The following NUP210 variants were observed in gnomAD, a reference collection of about 807,000 sequenced individuals.
NUP210 encodes nucleoporin 210.
A neutral mutation model predicts 196.0 loss-of-function variants in NUP210; 151 were observed. The ratio of observed to expected loss-of-function variants is 0.77; its 90% CI spans 0.67 to 0.88. The LOEUF (loss-of-function observed/expected upper bound fraction) is 0.88. NUP210 is among the 40% of genes least tolerant of loss of function. NUP210 has a pLI of 0.00. For synonymous variants in NUP210, 1,070 were observed against 1,052.7 expected (o/e 1.02, Z -0.32); for missense variants, 2,314 against 2,493.7 (o/e 0.93, Z 1.53).
chr3:13,373,781 G>A lies in NUP210; in HGVS notation c.1524C>T (p.Asp508=). ...TVKGVMTTGS[D]IGFSVIQAHD... is the part of the protein sequence containing the mutation. ...GTGCCTGGATCACACTGAACCCGAT[G>A]TCACTGCCTGTGGTCATCACGCCCT... Residue 508 remains aspartate (D), a synonymous_variant, in exon 12 of 40, where the codon GAC becomes GAT. Coordinates refer to ENST00000254508, the MANE Select transcript of NUP210 (RefSeq NM_024923.4). 1 of 1,614,164 alleles carries A rather than the reference G, an allele frequency of 6.2e-7. No individual in the cohort carries two copies. Among genetic ancestry groups the A allele is most frequent in the East Asian group, 2.2e-5 (1 of 44,878 alleles).
rs1404901817 is a variant in NUP210, at chr3:13,328,932, G to A, written c.4125C>T (p.Ser1375=). ...IIVAVKVSPV[S]YLRVSMSPVL... ...CAGGGCTCATGGAAACCCTCAGGTA[G>A]GAAACAGGGGATACCTAAGGGACAA... Residue 1375 remains serine (S), a synonymous_variant, in exon 31 of 40, where the codon TCC becomes TCT. Transcript: ENST00000254508. The A allele has an allele frequency of 5.6e-6, 9 of 1,613,774 alleles. No individual in the cohort carries two copies. The East Asian group carries it at 1.3e-4, about 24-fold the overall frequency.
chr3:13,330,601 C>A lies in NUP210; in HGVS notation c.3969G>T (p.Leu1323=), dbSNP rs777068056. ...DGAASLSYRV[L]DGPEKVPVVH... is the part of the protein sequence containing the mutation. The stretch of plus-strand genomic sequence containing the variant: ...CAACTGGAACCTTTTCGGGTCCATC[C>A]AGGACGCGGTAGCTCAGAGAGGCTG... Residue 1323 remains leucine, a synonymous_variant, in exon 30 of 40, where the codon CTG becomes CTT. Transcript: ENST00000254508. The A allele has an allele frequency of 1.9e-6, 3 of 1,614,186 alleles. No individual in the cohort carries two copies. Among genetic ancestry groups the A allele is most frequent in the Non-Finnish European group, 2.5e-6 (3 of 1,180,030 alleles).
chr3:13,328,998 C>G, intron 30 of NUP210, 52 bp from the exon 31 acceptor site: 2 of 1,517,322 alleles, frequency 1.3e-6, no homozygotes, highest in East Asian at 4.5e-5. Context: ...GGACTGGCCT[C>G]CAGGAAAACC....
intron 9 of NUP210, among the ~76,000 whole-genome samples, chr3:13,377,229 C>T (rs1458555823): frequency 6.6e-6 from 1 of 152,176 alleles, no homozygotes; most frequent in Non-Finnish European, 1.5e-5. Context: ...CCCTCCAGCC[C>T]AACAGGGGCT....
intron 33 of NUP210, among the ~76,000 whole-genome samples, 168 bp downstream of exon 33, chr3:13,325,627 G>C (rs1696717140): frequency 6.6e-6 from 1 of 152,176 alleles, no homozygotes; most frequent in African/African-American, 2.4e-5. Flanking sequence ...AAGGGAGCTT[G>C]TCCCCATGTC....
intron 16 of NUP210, 180 bp from the exon 17 acceptor site, chr3:13,354,287 T>C: frequency 3.3e-6 from 2 of 603,384 alleles, no homozygotes; most frequent in Non-Finnish European, 5.8e-6. Flanking sequence ...CCCATGGCCC[T>C]GTCCAAGCTG....
intron 6 of NUP210, among the ~76,000 whole-genome samples, chr3:13,380,998 G>A (rs982457424): frequency 6.6e-6 from 1 of 152,228 alleles, no homozygotes; most frequent in African/African-American, 2.4e-5. Flanking sequence ...CTCCAGGGCT[G>A]GGCTCCAGCA....
At chr3:13,351,433 A>C (rs1697966993) in intron 20 of NUP210, among the ~76,000 whole-genome samples, 2 of 152,226 alleles carry the variant, frequency 1.3e-5, no homozygotes, top group Admixed American at 1.3e-4. Flanking sequence ...AAGTTGTAGA[A>C]TGAATCAGAG....
At chr3:13,399,197 C>T (rs373740728) in intron 2 of NUP210, among the ~76,000 whole-genome samples, 3 of 136,328 alleles carry the variant, frequency 2.2e-5, no homozygotes, top group East Asian at 2.3e-4. Context: ...ACCCAGGAGG[C>T]GGAGGTTGCA....
intron 20 of NUP210, 104 bp from the exon 21 acceptor site, chr3:13,343,407 C>T: frequency 7.1e-7 from 1 of 1,412,224 alleles, no homozygotes; most frequent in Non-Finnish European, 9.6e-7. Flanking sequence ...CAGCACCAGC[C>T]TATCACCTCA....
rs1329617364 is a variant in NUP210 at position 13,348,674 on chromosome 3, C to T, written c.2835+3205G>A. On this transcript the variant is annotated intron_variant, in intron 20 of 39. Transcript: ENST00000254508. This position sits in a 1 kb window ranked among gnomAD's most constrained non-coding sequence, Gnocchi z 4.0. Reference sequence around the variant, plus strand: ...ACGCTGCTTGTGGTCTCAGGCTCCTCGCCTCCTCCAGTGTCCTCCAACCAC... The same window carrying T: ...ACGCTGCTTGTGGTCTCAGGCTCCTTGCCTCCTCCAGTGTCCTCCAACCAC... 2.5e-5 allele frequency: 25 copies of T among 985,282 alleles called. No homozygotes were observed. The East Asian group carries it at 1.4e-3, about 54-fold the overall frequency. 61.0% of individuals were successfully genotyped at this position (985,282 alleles called of 1,614,324 possible). A position where few individuals can be genotyped will look rare whatever the true frequency, so the allele number is the denominator to read the frequency against.
intron 1 of NUP210, among the ~76,000 whole-genome samples, chr3:13,405,640 T>C (rs994035296): frequency 6.6e-6 from 1 of 152,070 alleles, no homozygotes; most frequent in South Asian, 2.1e-4. Context: ...GTATAAGAAA[T>C]GAGAAGGGCA....
rs746509571 is a variant in NUP210, at chr3:13,319,093, T to A, written c.5542A>T (p.Ser1848Cys). Residue 1848 changes from serine (S) to cysteine (C), a missense_variant, in exon 39 of 40, where the codon AGC (serine) becomes TGC (cysteine). Coordinates refer to ENST00000254508, the MANE Select transcript of NUP210 (RefSeq NM_024923.4). ...AVPAALTPRA[S>C]PGHSPHYFAA... ...TCACAGTGGGGGCTGTGTCCAGGGC[T>A]GGCTCGAGGCGTGAGGGCTGCAGGC... 2.5e-6 allele frequency: 4 copies of A among 1,606,682 alleles called. No homozygotes were observed. The South Asian group carries it at 4.5e-5, about 18-fold the overall frequency.
Position 13,388,424 on chromosome 3 carries a change from A to T in NUP210, c.563T>A (p.Ile188Asn). The change falls in exon 5 of 40, where the codon ATC (isoleucine) becomes AAC (asparagine). Residue 188 changes from isoleucine to asparagine, a missense_variant. Physicochemically the swap from Ile to Asn is moderately radical, Grantham distance 149 (BLOSUM62 -3). Transcript: ENST00000254508. ...CATCTCTGAGATGTAAGAAGGAGGG[A>T]TGTACGTAGACTCCAAGAAAGTGAG... ...RILTFLESTY[I>N]PPSYISEMEK... The T allele has an allele frequency of 6.2e-7, 1 of 1,611,638 alleles. No individual in the cohort carries two copies. Among genetic ancestry groups the T allele is most frequent in the African/African-American group, 1.3e-5 (1 of 74,872 alleles).
At chr3:13,334,123 G>A (rs1697113519) in intron 28 of NUP210, among the ~76,000 whole-genome samples, 1 of 152,318 alleles carries the variant, frequency 6.6e-6, no homozygotes, top group East Asian at 1.9e-4. Flanking sequence ...CTGTCTCAAA[G>A]GCCTGAGTGA....
At position 13,350,510 on chromosome 3, in the gene NUP210, G is replaced by A. The variant is rs1274736538; in HGVS notation, c.2835+1369C>T. Among the ~76,000 whole-genome samples, 11 of 151,578 alleles carry A rather than the reference G, an allele frequency of 7.3e-5. No homozygotes were observed. Among genetic ancestry groups the A allele is most frequent in the Admixed American group, 2.0e-4 (3 of 15,206 alleles). On this transcript the variant is annotated intron_variant, in intron 20 of 39. Coordinates refer to ENST00000254508, the MANE Select transcript of NUP210 (RefSeq NM_024923.4). The surrounding 1 kb of genome is among the most constrained non-coding windows in gnomAD (Gnocchi z 4.1). ...AAAACAAAACAGGAAAACATGACCC[G>A]TACTCCAGAAAAAAGGCAGATGACA...
At chr3:13,339,719 C>G in intron 25 of NUP210, 135 bp downstream of exon 25, 1 of 777,752 alleles carries the variant, frequency 1.3e-6, no homozygotes, top group Non-Finnish European at 2.1e-6. Flanking sequence ...ACCAGGGCCC[C>G]TGCAGTGACT....
chr3:13,419,833 G>T (rs1345392022), intron 1 of NUP210, among the ~76,000 whole-genome samples: 1 of 151,982 alleles, frequency 6.6e-6, no homozygotes, highest in Admixed American at 6.5e-5. Context: ...GCCAGGCTGC[G>T]CCCGCTCTGC....
At position 13,330,465 on chromosome 3, in the gene NUP210, C is replaced by T. The variant is rs758082800; in HGVS notation, c.4105G>A (p.Val1369Ile). Residue 1369 changes from valine (V) to isoleucine (I), a missense_variant, in exon 30 of 40, where the codon GTA becomes ATA. Transcript: ENST00000254508. Reference sequence around the variant, plus strand: ...GGAGGAGAATGCAACCCTACCTTTACAGCAACAATGATGGTTTGGTTGGCC... The same window carrying T: ...GGAGGAGAATGCAACCCTACCTTTATAGCAACAATGATGGTTTGGTTGGCC... ...FGANQTIIVAVKVSPVSYLRV... is the reference protein window; with the variant it reads ...FGANQTIIVAIKVSPVSYLRV... 1.2e-6 allele frequency: 2 copies of T among 1,613,898 alleles called. No individual in the cohort carries two copies. The highest frequency in any genetic ancestry group is 1.1e-5 in the South Asian group (1 of 91,032).
Sources: gnomAD v4.1 joint callset for allele counts (sites outside exome capture counted in the v4.1 genomes callset) on GRCh38, gnomAD v4.1.1 for gene constraint, Gnocchi (gnomAD v3.1) non-coding constraint, MANE v1.5 for transcripts, NCBI Gene and HGNC (gene_info 2026-07-23, HGNC 2026-07-21) for gene names.